TMEM179: variants seen among roughly 807,000 people sequenced by gnomAD.
TMEM179 encodes transmembrane protein 179, also known as transmembrane protein 179A.
A neutral mutation model predicts 22.2 loss-of-function variants in TMEM179; 17 were observed. The ratio of observed to expected loss-of-function variants is 0.77; its 90% CI spans 0.52 to 1.15. The LOEUF is 1.15. TMEM179 is among the 50% of genes most tolerant of loss of function. The pLI, the probability that TMEM179 is intolerant of heterozygous loss-of-function variation, is 0.00. For synonymous variants in TMEM179, 127 were observed against 140.5 expected (o/e 0.90, Z 0.68); for missense variants, 265 against 313.6 (o/e 0.84, Z 1.17).
intron 3 of TMEM179, chr14:104,594,526 T>G: frequency 8.1e-7 from 1 of 1,230,868 alleles, no homozygotes; most frequent in Non-Finnish European, 1.0e-6. Flanking sequence ...GCAAACCCAA[T>G]TCCAGGGTTC....
chr14:104,604,353 G>C lies in TMEM179; in HGVS notation c.305+84C>G. The C allele has an allele frequency of 1.5e-6, 2 of 1,371,806 alleles. No individual in the cohort carries two copies. The highest frequency in any genetic ancestry group is 1.9e-6 in the Non-Finnish European group (2 of 1,055,254). The allele number at this position is 1,371,806 out of a possible 1,614,324, so 85.0% of individuals were successfully genotyped here. The stretch of plus-strand genomic sequence containing the variant: ...CTCGGAGCTGCCTGAGAGACGGAGG[G>C]ACTCGCGCGCCTCCCCGGGGAGGTG... On this transcript the variant is annotated intron_variant, in intron 1 of 3. Transcript: ENST00000556573. The surrounding 1 kb of genome is among the most constrained non-coding windows in gnomAD (Gnocchi z 4.6).
rs1287631057 is a variant in TMEM179 at position 104,597,272 on chromosome 14, C to T, written c.306-145G>A. 5.1e-6 allele frequency: 6 copies of T among 1,183,360 alleles called. No homozygotes were observed. Among genetic ancestry groups the T allele is most frequent in the Non-Finnish European group, 6.9e-6 (6 of 866,300 alleles). 73.3% of individuals were successfully genotyped at this position (1,183,360 alleles called of 1,614,324 possible). ...CCCCACCAGCAGCACCCCCCGGACC[C>T]TCAGGATTCCTGGGTTGGGCCCTGT... On this transcript the variant is annotated intron_variant, in intron 1 of 3. Coordinates refer to ENST00000556573, the MANE Select transcript of TMEM179 (RefSeq NM_001286389.2). This position sits in a 1 kb window ranked among gnomAD's most constrained non-coding sequence, Gnocchi z 4.8.
At position 104,597,053 on chromosome 14, in the gene TMEM179, A is replaced by G; in HGVS notation, c.380T>C (p.Ile127Thr). ...VVFLVFIAST[I>T]VSVGFTMWCD... ...CCACATGGTGAAGCCCACGCTCACG[A>G]TGGTGCTGGCAATGAAGACCAGGAA... Residue 127 changes from isoleucine to threonine, a missense_variant, in exon 2 of 4, where the codon ATC (isoleucine) becomes ACC (threonine). By Grantham distance (89) the Ile-to-Thr change is moderately conservative (BLOSUM62 -1). Coordinates refer to ENST00000556573, the MANE Select transcript of TMEM179 (RefSeq NM_001286389.2). The surrounding 1 kb of genome is among the most constrained non-coding windows in gnomAD (Gnocchi z 4.8). 6.2e-7 allele frequency: 1 copy of G among 1,610,184 alleles called. No homozygotes were observed. The highest frequency in any genetic ancestry group is 8.5e-7 in the Non-Finnish European group (1 of 1,178,972).
chr14:104,591,678 AC>A lies in TMEM179; in HGVS notation c.*1800del. 3.2e-6 allele frequency: 1 copy of A among 314,456 alleles called. No homozygotes were observed. The highest frequency in any genetic ancestry group is 6.2e-6 in the Non-Finnish European group (1 of 161,232). The allele number at this position is 314,456 out of a possible 1,614,324, so 19.5% of individuals were successfully genotyped here. ...GCCCCCACCAGGACCCTCCATGTGG[AC>A]CCAGGCACGTGGCCTCCAGGAGGCT... On this transcript the variant is annotated 3_prime_UTR_variant, in exon 4 of 4. Transcript: ENST00000556573.
Position 104,593,675 on chromosome 14 carries a change from G to C in TMEM179, c.523-17C>G, listed in dbSNP as rs1013795683. 8 of 1,453,420 alleles carry C rather than the reference G, an allele frequency of 5.5e-6. No homozygotes were observed. The highest frequency in any genetic ancestry group is 7.2e-6 in the Non-Finnish European group (8 of 1,105,622). The allele number at this position is 1,453,420 out of a possible 1,614,324, so 90.0% of individuals were successfully genotyped here. A position where few individuals can be genotyped will look rare whatever the true frequency, so the allele number is the denominator to read the frequency against. ...GAGGCCAAACTGCACAGAGGGCAGG[G>C]TCAGGGTCAGAAGCCGTTGGGGGTC... On this transcript the variant is annotated splice_polypyrimidine_tract_variant and intron_variant, in intron 3 of 3. Transcript: ENST00000556573.
chr14:104,594,894 T>G, intron 3 of TMEM179: 2 of 657,894 alleles, frequency 3.0e-6, no homozygotes, highest in Non-Finnish European at 1.9e-6. Flanking sequence ...ACCCCCACAC[T>G]TCCCACCCCA....
chr14:104,592,451 TG>T lies in TMEM179; in HGVS notation c.*1027del, dbSNP rs1886879083. 6.6e-6 allele frequency: 1 copy of T among 150,568 alleles called. No homozygotes were observed. Among genetic ancestry groups the T allele is most frequent in the Middle Eastern group, 3.4e-3 (1 of 290 alleles). 9.3% of individuals were successfully genotyped at this position (150,568 alleles called of 1,614,324 possible). The stretch of plus-strand genomic sequence containing the variant: ...ATCCTCCCAGGCAGTCACTCGCACA[TG>T]CAGTCACACATTCACTCACAGGCAG... On this transcript the variant is annotated 3_prime_UTR_variant, in exon 4 of 4. Coordinates refer to ENST00000556573, the MANE Select transcript of TMEM179 (RefSeq NM_001286389.2).
Position 104,591,534 on chromosome 14 carries a change from C to A in TMEM179, c.*1945G>T. 2.5e-6 allele frequency: 1 copy of A among 395,610 alleles called. No individual in the cohort carries two copies. The highest frequency in any genetic ancestry group is 5.0e-6 in the Non-Finnish European group (1 of 198,670). 24.5% of individuals were successfully genotyped at this position (395,610 alleles called of 1,614,324 possible). A position where few individuals can be genotyped will look rare whatever the true frequency, so the allele number is the denominator to read the frequency against. On this transcript the variant is annotated 3_prime_UTR_variant, in exon 4 of 4. Coordinates refer to ENST00000556573, the MANE Select transcript of TMEM179 (RefSeq NM_001286389.2). ...CTTCCCTCGAGGACCTGGCTGCCAG[C>A]TGGAAACTCAGCTGGTCCCCAAGGC...
In TMEM179 at chr14:104,593,463, C is replaced by T. The variant is rs1258205445; in HGVS notation, c.*16G>A. On this transcript the variant is annotated 3_prime_UTR_variant, in exon 4 of 4. Transcript: ENST00000556573. ...AGCAGGGAGGTCGGGGCCAGCTCCCCCTGCCTGCACTGTGCCTAAATGACA... is the reference window on the plus strand; with the variant it reads ...AGCAGGGAGGTCGGGGCCAGCTCCCTCTGCCTGCACTGTGCCTAAATGACA... The T allele has an allele frequency of 3.9e-6, 6 of 1,535,870 alleles. No individual in the cohort carries two copies. Among genetic ancestry groups the T allele is most frequent in the South Asian group, 3.6e-5 (3 of 84,054 alleles).
At position 104,597,146 on chromosome 14, in the gene TMEM179, G is replaced by C. The variant is rs1887056271; in HGVS notation, c.306-19C>G. ...GAAGGAGCTGCAGCCAGAAACAGGA[G>C]GGGCAGGCTCACTGGACACCACCTC... On this transcript the variant is annotated intron_variant, in intron 1 of 3. Coordinates refer to ENST00000556573, the MANE Select transcript of TMEM179 (RefSeq NM_001286389.2). This position sits in a 1 kb window ranked among gnomAD's most constrained non-coding sequence, Gnocchi z 4.8. 1 of 1,570,834 alleles carries C rather than the reference G, an allele frequency of 6.4e-7. No homozygotes were observed. The highest frequency in any genetic ancestry group is 1.9e-5 in the Admixed American group (1 of 53,952).
intron 1 of TMEM179, among the ~76,000 whole-genome samples, chr14:104,598,570 C>T (rs926248801): frequency 2.0e-5 from 3 of 152,248 alleles, no homozygotes; most frequent in African/African-American, 7.2e-5. Context: ...ACCTGCTCGC[C>T]CTGTGCTGGA....
chr14:104,603,462 A>G (rs1887304655), intron 1 of TMEM179, among the ~76,000 whole-genome samples: 1 of 150,808 alleles, frequency 6.6e-6, no homozygotes, highest in African/African-American at 2.4e-5. Flanking sequence ...TGGGCACAGC[A>G]GGCCTCAGCC....
rs1047414768 is a variant in TMEM179, at chr14:104,597,242, G to A, written c.306-115C>T. On this transcript the variant is annotated intron_variant, in intron 1 of 3. Coordinates refer to ENST00000556573, the MANE Select transcript of TMEM179 (RefSeq NM_001286389.2). This position sits in a 1 kb window ranked among gnomAD's most constrained non-coding sequence, Gnocchi z 4.8. ...AGGCTCACTGGACGCCATCTCCTGG[G>A]CAACCCCCACCAGCAGCACCCCCCG... 1.4e-6 allele frequency: 2 copies of A among 1,396,820 alleles called. No individual in the cohort carries two copies. The highest frequency in any genetic ancestry group is 1.4e-5 in the African/African-American group (1 of 69,552). 86.5% of individuals were successfully genotyped at this position (1,396,820 alleles called of 1,614,324 possible). A position where few individuals can be genotyped will look rare whatever the true frequency, so the allele number is the denominator to read the frequency against.
In TMEM179 at chr14:104,596,976, TG is replaced by T. The variant is rs772531672; in HGVS notation, c.443+13del. On this transcript the variant is annotated intron_variant, in intron 2 of 3. Coordinates refer to ENST00000556573, the MANE Select transcript of TMEM179 (RefSeq NM_001286389.2). ...GGAGGTGGGCGGAGGCCGAGGCGGG[TG>T]GGGCGGGCGCACCTGTGGGGTACGG... 5.2e-6 allele frequency: 8 copies of T among 1,541,452 alleles called. No individual in the cohort carries two copies. The African/African-American group carries it at 1.0e-4, about 20-fold the overall frequency.
At chr14:104,594,324 A>G in intron 3 of TMEM179, 10 of 1,231,288 alleles carry the variant, frequency 8.1e-6, no homozygotes, top group Non-Finnish European at 1.0e-5. Context: ...GCTCCTGGCC[A>G]GGAGAAGCGT....
At chr14:104,603,612 G>A (rs1009067197) in intron 1 of TMEM179, among the ~76,000 whole-genome samples, 11 of 144,482 alleles carry the variant, frequency 7.6e-5, no homozygotes, top group Non-Finnish European at 1.4e-4. Flanking sequence ...TGGATTCACA[G>A]AGGTGGTAGA....
intron 3 of TMEM179, chr14:104,594,200 A>G (rs1333282667): frequency 1.7e-5 from 21 of 1,231,824 alleles, no homozygotes; most frequent in Non-Finnish European, 2.0e-5. Flanking sequence ...AACTGGCACA[A>G]ATTAGGCCTG....
At chr14:104,594,976 G>A in intron 3 of TMEM179, 189 bp downstream of exon 3, 1 of 1,332,474 alleles carries the variant, frequency 7.5e-7, no homozygotes, top group Non-Finnish European at 9.7e-7. Flanking sequence ...ACCTACAAAA[G>A]CCCAGCTCTC....
At chr14:104,596,022 C>T (rs750458980) in intron 2 of TMEM179, among the ~76,000 whole-genome samples, 26 of 152,244 alleles carry the variant, frequency 1.7e-4, no homozygotes, top group Non-Finnish European at 3.2e-4. Context: ...CCCGAGCCAG[C>T]AGGCAGAGCT....
Sources: allele counts gnomAD v4.1 joint callset (sites outside exome capture counted in the v4.1 genomes callset), GRCh38; gene constraint gnomAD v4.1.1; non-coding constraint Gnocchi (gnomAD v3.1); transcripts MANE v1.5; gene names NCBI Gene and HGNC (gene_info 2026-07-23, HGNC 2026-07-21).